Variants in SWT1 observed in about 807,000 individuals in gnomAD.
The protein encoded by SWT1 is transcriptional protein SWT1.
In SWT1, 33 loss-of-function variants were observed where a neutral mutation model predicts 107.3. The observed-to-expected ratio is 0.31, with a 90% confidence interval of 0.23 to 0.41. SWT1 has a LOEUF of 0.41. SWT1 is among the 10% of genes least tolerant of loss of function. SWT1 has a pLI of 1.00. For missense variants in SWT1, 898 were observed against 1,028.9 expected (o/e 0.87, Z 1.74); for synonymous variants, 345 against 348.3 (o/e 0.99, Z 0.11).
At chr1:185,261,828 T>A (rs914711060) in intron 16 of SWT1, among the ~76,000 whole-genome samples, 6 of 152,252 alleles carry the variant, frequency 3.9e-5, no homozygotes, top group African/African-American at 1.4e-4. Flanking sequence ...ATTTTTCTTA[T>A]GCTTCAAAGT....
At chr1:185,213,550 C>T (rs539193134) in intron 13 of SWT1, among the ~76,000 whole-genome samples, 28 of 152,238 alleles carry the variant, frequency 1.8e-4, no homozygotes, top group Non-Finnish European at 3.1e-4. Context: ...GTAAGTGATA[C>T]AGAGAAACTC....
intron 10 of SWT1, 113 bp downstream of exon 10, chr1:185,190,755 T>A (rs1259659148): frequency 1.6e-6 from 1 of 618,060 alleles, no homozygotes; most frequent in Non-Finnish European, 2.8e-6. Context: ...ATTTTCCAAA[T>A]CTGCCAGTAA....
intron 15 of SWT1, chr1:185,226,701 T>C (rs1162136553): frequency 5.8e-5 from 26 of 448,064 alleles, no homozygotes; most frequent in Non-Finnish European, 1.0e-4. Context: ...AACAAAAGCT[T>C]CCCTGCTATT....
At chr1:185,227,533 G>A in intron 15 of SWT1, 1 of 531,110 alleles carries the variant, frequency 1.9e-6, no homozygotes, top group South Asian at 1.7e-5. Context: ...ATCTCTGTTT[G>A]TTACATGAAC....
intron 7 of SWT1, 39 bp downstream of exon 7, chr1:185,182,096 T>C (rs1298875489): frequency 2.6e-6 from 4 of 1,567,164 alleles, no homozygotes; most frequent in South Asian, 2.4e-5. Flanking sequence ...CCCCTATGCT[T>C]TCCTAAAAAT....
intron 1 of SWT1, 104 bp from the exon 2 acceptor site, chr1:185,160,729 G>C: frequency 1.3e-6 from 1 of 774,082 alleles, no homozygotes; most frequent in Non-Finnish European, 2.1e-6. Context: ...AATAAAAAGT[G>C]ATCATATTGT....
intron 13 of SWT1, among the ~76,000 whole-genome samples, chr1:185,209,739 C>A (rs1248330745): frequency 6.6e-6 from 1 of 152,134 alleles, no homozygotes; most frequent in African/African-American, 2.4e-5. Flanking sequence ...GGTATATACC[C>A]AGTAATGGGA....
chr1:185,201,583 T>G (rs1341553428), intron 10 of SWT1, among the ~76,000 whole-genome samples: 1 of 152,150 alleles, frequency 6.6e-6, no homozygotes, highest in Non-Finnish European at 1.5e-5. Context: ...GGCTGCACCC[T>G]TTGTCTAACC....
At chr1:185,256,825 G>A (rs1384757834) in intron 16 of SWT1, among the ~76,000 whole-genome samples, 1 of 152,202 alleles carries the variant, frequency 6.6e-6, no homozygotes, top group Non-Finnish European at 1.5e-5. Context: ...TGCTGGTGAG[G>A]AACTGCGTTC....
At position 185,166,658 on chromosome 1, in the gene SWT1, T is replaced by A. The variant is rs1279906812; in HGVS notation, c.165+6T>A. The A allele has an allele frequency of 6.5e-7, 1 of 1,542,016 alleles. No individual in the cohort carries two copies. The highest frequency in any genetic ancestry group is 8.9e-7 in the Non-Finnish European group (1 of 1,127,074). ...CATCAGAAAAGAGAAAACTGGTGAGTGTCTAGATATAACTAACTAAAAGTT... is the reference window on the plus strand; with the variant it reads ...CATCAGAAAAGAGAAAACTGGTGAGAGTCTAGATATAACTAACTAAAAGTT... On this transcript the variant is annotated splice_donor_region_variant and intron_variant, in intron 3 of 18. Transcript: ENST00000367500.
At chr1:185,227,207 C>G in intron 15 of SWT1, 5 of 835,284 alleles carry the variant, frequency 6.0e-6, no homozygotes, top group Middle Eastern at 3.1e-4. Context: ...CCACAGCTCC[C>G]TTCAGGGTGC....
At chr1:185,173,013 C>A (rs1349089719) in intron 4 of SWT1, among the ~76,000 whole-genome samples, 1 of 128,498 alleles carries the variant, frequency 7.8e-6, no homozygotes, top group African/African-American at 3.1e-5. Flanking sequence ...CACTGCAGTC[C>A]AGCCTGGCGA....
At chr1:185,224,571 A>G (rs1021631465) in intron 15 of SWT1, among the ~76,000 whole-genome samples, 4 of 152,150 alleles carry the variant, frequency 2.6e-5, no homozygotes, top group East Asian at 1.9e-4. Context: ...TTTGGAAAGT[A>G]TGACCATTTT....
At chr1:185,165,580 A>T (rs1654499959) in intron 2 of SWT1, among the ~76,000 whole-genome samples, 1 of 152,178 alleles carries the variant, frequency 6.6e-6, no homozygotes, top group Non-Finnish European at 1.5e-5. Flanking sequence ...TTCTCAACAC[A>T]CTAGCTAATG....
intron 11 of SWT1, among the ~76,000 whole-genome samples, chr1:185,204,367 G>C (rs1658139230): frequency 6.6e-6 from 1 of 151,928 alleles, no homozygotes; most frequent in African/African-American, 2.4e-5. Flanking sequence ...ATAAATCCAA[G>C]GCATTCTTGT....
chr1:185,237,991 A>ATT (rs756534304), intron 16 of SWT1, among the ~76,000 whole-genome samples: 1 of 144,350 alleles, frequency 6.9e-6, no homozygotes, highest in East Asian at 2.0e-4. Flanking sequence ...ACCTGGGGTG[A>ATT]TTTTTTTTTT....
At chr1:185,179,256 G>A (rs1028059615) in intron 5 of SWT1, among the ~76,000 whole-genome samples, 41 of 152,126 alleles carry the variant, frequency 2.7e-4, no homozygotes, top group African/African-American at 9.7e-4. Flanking sequence ...GCAACAGAGC[G>A]AGACTCTGTC....
In SWT1 at chr1:185,184,948, C is replaced by G; in HGVS notation, c.1429+17C>G. On this transcript the variant is annotated intron_variant, in intron 9 of 18. Coordinates refer to ENST00000367500, the MANE Select transcript of SWT1 (RefSeq NM_017673.7). ...AAAAACATTGTAAGTATTGTTCTCT[C>G]AGAGTGCCTCCTGATTAATACTTGT... The G allele has an allele frequency of 1.4e-6, 2 of 1,427,724 alleles. No homozygotes were observed. Among genetic ancestry groups the G allele is most frequent in the Non-Finnish European group, 1.8e-6 (2 of 1,084,410 alleles). 88.4% of individuals were successfully genotyped at this position (1,427,724 alleles called of 1,614,324 possible).
At chr1:185,288,595 AACACCATG>A (rs1191656672) in intron 18 of SWT1, among the ~76,000 whole-genome samples, 2 of 152,176 alleles carry the variant, frequency 1.3e-5, no homozygotes, top group African/African-American at 2.4e-5. Context: ...GGTTCTCTCC[AACACCATG>A]AATATGGCAG....
Sources: gnomAD v4.1 joint callset for allele counts (sites outside exome capture counted in the v4.1 genomes callset) on GRCh38, gnomAD v4.1.1 for gene constraint, MANE v1.5 for transcripts, NCBI Gene and HGNC (gene_info 2026-07-23, HGNC 2026-07-21) for gene names.